Variants in TECRL observed in about 807,000 individuals in gnomAD.
TECRL encodes the protein trans-2,3-enoyl-CoA reductase-like.
TECRL carries 63 observed loss-of-function variants against 52.8 expected under a neutral mutation model. The observed-to-expected ratio is 1.19, with a 90% CI of 0.97 to 1.47. The LOEUF (loss-of-function observed/expected upper bound fraction) is 1.47, where lower values mean the gene tolerates loss of function less well. Ranked by LOEUF, TECRL falls within the 40% of genes most tolerant of loss-of-function variation. TECRL has a pLI of 0.00. For missense variants in TECRL, 482 were observed against 429.6 expected (o/e 1.12, Z -1.08); for synonymous variants, 164 against 141.9 (o/e 1.16, Z -1.10).
intron 6 of TECRL, among the ~76,000 whole-genome samples, chr4:64,305,478 G>A (rs746757710): frequency 3.3e-5 from 5 of 152,168 alleles, no homozygotes; most frequent in Non-Finnish European, 5.9e-5. Flanking sequence ...GGCAGGCAGA[G>A]AGGGAGGGTC....
intron 2 of TECRL, among the ~76,000 whole-genome samples, chr4:64,333,185 A>C (rs1318414731): frequency 6.6e-6 from 1 of 152,074 alleles, no homozygotes; most frequent in African/African-American, 2.4e-5. Flanking sequence ...AAACAGATTA[A>C]AAAACAAAAA....
At chr4:64,407,067 T>G (rs1202486929) in intron 1 of TECRL, among the ~76,000 whole-genome samples, 1 of 152,004 alleles carries the variant, frequency 6.6e-6, no homozygotes, top group Non-Finnish European at 1.5e-5. Context: ...CTCACCACTA[T>G]TATGAAACAG....
At chr4:64,326,129 A>G (rs77923927) in intron 3 of TECRL, among the ~76,000 whole-genome samples, 2,569 of 152,186 alleles carry the variant, frequency 0.017, 44 homozygotes, top group Non-Finnish European at 0.029. Context: ...ATGGGCCTGG[A>G]ACTGGGGTAC....
intron 1 of TECRL, among the ~76,000 whole-genome samples, chr4:64,401,193 C>G (rs764449736): frequency 2.8e-4 from 43 of 152,168 alleles, no homozygotes; most frequent in Non-Finnish European, 4.9e-4. Flanking sequence ...AATGATTACC[C>G]TGTTCAAAGA....
At chr4:64,328,397 C>A in intron 3 of TECRL, 115 bp downstream of exon 3, 2 of 784,650 alleles carry the variant, frequency 2.5e-6, no homozygotes, top group South Asian at 2.1e-5. Flanking sequence ...TTGGGCGAAT[C>A]AATTAAATAA....
chr4:64,321,870 T>C (rs1016932843), intron 4 of TECRL, among the ~76,000 whole-genome samples: 1 of 152,198 alleles, frequency 6.6e-6, no homozygotes, highest in Admixed American at 6.5e-5. Flanking sequence ...TTTCTCTGCC[T>C]GAGAACCTCC....
intron 3 of TECRL, among the ~76,000 whole-genome samples, chr4:64,327,662 C>T (rs1035200228): frequency 6.6e-6 from 1 of 151,940 alleles, no homozygotes; most frequent in African/African-American, 2.4e-5. Context: ...TTGTTTTGAA[C>T]ATACAGTTCT....
intron 2 of TECRL, among the ~76,000 whole-genome samples, chr4:64,363,021 A>T (rs1404872920): frequency 6.6e-6 from 1 of 152,132 alleles, no homozygotes; most frequent in Non-Finnish European, 1.5e-5. Context: ...CATAAAAAAA[A>T]AAAAAGAAGT....
rs114819012 is a variant in TECRL, at chr4:64,367,155, G to A, written c.286+8017C>T. Among the ~76,000 whole-genome samples the A allele has an allele frequency of 9.6e-3, 1,458 of 152,218 alleles. 24 individuals carry two copies. Among genetic ancestry groups the A allele is most frequent in the African/African-American group, 0.033 (1,390 of 41,538 alleles). ...AGGAACAGAAAACCAAATACTGTGT[G>A]TTCTCACTTATAAGTGGGAGCAAAG... On this transcript the variant is annotated intron_variant, in intron 2 of 11. Coordinates refer to ENST00000381210, the MANE Select transcript of TECRL (RefSeq NM_001010874.5).
chr4:64,400,771 G>A (rs1842953), intron 1 of TECRL, among the ~76,000 whole-genome samples: 15 of 152,092 alleles, frequency 9.9e-5, no homozygotes, highest in African/African-American at 3.4e-4. Context: ...CCTGCTCCCC[G>A]TTAGCATTCT....
chr4:64,305,595 CA>C (rs1724289611), intron 6 of TECRL, among the ~76,000 whole-genome samples: 1 of 152,090 alleles, frequency 6.6e-6, no homozygotes, highest in African/African-American at 2.4e-5. Flanking sequence ...GATGTTTGCT[CA>C]AAAGGGACTT....
At position 64,280,160 on chromosome 4, in the gene TECRL, A is replaced by G. The variant is rs1230408989; in HGVS notation, c.1004T>C (p.Leu335Ser). Reference sequence around the variant, plus strand: ...AATCTTATGTTTCTTTTGTGCCCACAAAGACATCTGGATACTCATCAGAAG... The same window carrying G: ...AATCTTATGTTTCTTTTGTGCCCACGAAGACATCTGGATACTCATCAGAAG... ...FTLLMSIQMS[L>S]WAQKKHKIYL... The change falls in exon 12 of 12, where the codon TTG becomes TCG. Residue 335 changes from leucine to serine, a missense_variant. Leu to Ser is a moderately radical substitution (Grantham distance 145). Transcript: ENST00000381210. 2.5e-6 allele frequency: 4 copies of G among 1,601,952 alleles called. No individual in the cohort carries two copies. The highest frequency in any genetic ancestry group is 3.4e-6 in the Non-Finnish European group (4 of 1,174,714).
rs1316077545 is a variant in TECRL at position 64,382,632 on chromosome 4, T to C, written c.235-7409A>G. Among the ~76,000 whole-genome samples, 4 of 152,178 alleles carry C rather than the reference T, an allele frequency of 2.6e-5. No homozygotes were observed. In the South Asian group the frequency reaches 6.2e-4, roughly 24 times the overall value. ...AAATGAGTTTCTTGTAGGCAACACA[T>C]AGTTGGGTCAAGTTTGTAACCTAAT... is the stretch of plus-strand genomic sequence containing the variant. On this transcript the variant is annotated intron_variant, in intron 1 of 11. Transcript: ENST00000381210.
At position 64,375,211 on chromosome 4, in the gene TECRL, A is replaced by T; in HGVS notation, c.247T>A (p.Ser83Thr). The T allele has an allele frequency of 7.1e-7, 1 of 1,409,458 alleles. No homozygotes were observed. The highest frequency in any genetic ancestry group is 2.8e-5 in the East Asian group (1 of 35,666). 87.3% of individuals were successfully genotyped at this position (1,409,458 alleles called of 1,614,324 possible). ...TTTTGCTTAACATCATGAATAGTAG[A>T]TGATTGTGTCACCTGAAAAGGAAAA... The part of the protein sequence containing the change: ...ICILDKVTQS[S>T]TIHDVKQKFH... Residue 83 changes from serine to threonine, a missense_variant, in exon 2 of 12, where the codon TCT becomes ACT. Coordinates refer to ENST00000381210, the MANE Select transcript of TECRL (RefSeq NM_001010874.5).
chr4:64,288,404 C>A (rs1387617089), intron 9 of TECRL, among the ~76,000 whole-genome samples: 1 of 152,032 alleles, frequency 6.6e-6, no homozygotes, highest in Non-Finnish European at 1.5e-5. Context: ...AACTCAACAT[C>A]GACCGTTCTA....
At chr4:64,347,028 T>C (rs1181486769) in intron 2 of TECRL, among the ~76,000 whole-genome samples, 1 of 152,170 alleles carries the variant, frequency 6.6e-6, no homozygotes, top group Non-Finnish European at 1.5e-5. Flanking sequence ...TTCAGTCAGG[T>C]GAAAAACATC....
chr4:64,287,618 A>G (rs1194935368), intron 9 of TECRL, among the ~76,000 whole-genome samples: 1 of 152,146 alleles, frequency 6.6e-6, no homozygotes, highest in Non-Finnish European at 1.5e-5. Flanking sequence ...AACTTTTTCA[A>G]ATATACAGGT....
chr4:64,287,552 G>A (rs966554036), intron 9 of TECRL, among the ~76,000 whole-genome samples: 5 of 152,060 alleles, frequency 3.3e-5, no homozygotes, highest in Admixed American at 2.6e-4. Context: ...ATGTAATTGA[G>A]CCTAAATGAG....
intron 2 of TECRL, among the ~76,000 whole-genome samples, chr4:64,343,143 A>G (rs2109537940): frequency 6.6e-6 from 1 of 152,312 alleles, no homozygotes; most frequent in African/African-American, 2.4e-5. Context: ...TCCAGTGCTT[A>G]AATTAACAAA....
Sources: gnomAD v4.1 joint callset for allele counts (sites outside exome capture counted in the v4.1 genomes callset) on GRCh38, gnomAD v4.1.1 for gene constraint, MANE v1.5 for transcripts, NCBI Gene and HGNC (gene_info 2026-07-23, HGNC 2026-07-21) for gene names.